Variants in USP28 observed in about 807,000 individuals in gnomAD.
USP28 encodes the protein ubiquitin carboxyl-terminal hydrolase 28.
USP28 carries 113 observed loss-of-function variants against 145.0 expected under a neutral mutation model. That is an observed-to-expected ratio of 0.78 (90% CI 0.67 to 0.91). The LOEUF (loss-of-function observed/expected upper bound fraction) is 0.91, where lower values mean the gene tolerates loss of function less well. USP28 is among the 40% of genes least tolerant of loss of function. USP28 has a pLI of 0.00. For synonymous variants in USP28, 447 were observed against 450.9 expected, an observed-to-expected ratio of 0.99 and a Z score of 0.11; for missense variants, 1,201 against 1,289.6, an observed-to-expected ratio of 0.93 and a Z score of 1.05.
At chr11:113,871,770 T>A (rs1393890710) in intron 1 of USP28, among the ~76,000 whole-genome samples, 1 of 152,148 alleles carries the variant, frequency 6.6e-6, no homozygotes, top group African/African-American at 2.4e-5. Context: ...AAGAAGATTA[T>A]CTATTTAGAA....
At chr11:113,858,314 C>T (rs965845171) in intron 1 of USP28, among the ~76,000 whole-genome samples, 3 of 152,206 alleles carry the variant, frequency 2.0e-5, no homozygotes, top group Non-Finnish European at 4.4e-5. Context: ...CCCCCTTAGC[C>T]TGTTCCACCT....
intron 24 of USP28, 46 bp downstream of exon 25, chr11:113,801,437 T>C: frequency 6.9e-7 from 1 of 1,450,838 alleles, no homozygotes; most frequent in Non-Finnish European, 9.3e-7. Context: ...CACTGAAATT[T>C]CTACAATTCT....
At chr11:113,798,880 A>C (rs937195084) in exon 25 of USP28, 1 of 156,918 alleles carries the variant, frequency 6.4e-6, no homozygotes, top group African/African-American at 2.4e-5. Flanking sequence ...GGTTCTCATG[A>C]ATCATTCTTC....
At chr11:113,874,625 T>C (rs1319046661) in intron 1 of USP28, 1 of 1,287,938 alleles carries the variant, frequency 7.8e-7, no homozygotes, top group Non-Finnish European at 1.0e-6. Flanking sequence ...AAAAGTGCAG[T>C]ACTTGAGGGG....
chr11:113,808,408 G>A (rs747352985), exon 18 of USP28: 24 of 1,613,912 alleles, frequency 1.5e-5, no homozygotes, highest in African/African-American at 6.7e-5. Flanking sequence ...GACAAGCAGC[G>A]AACCCCATGA....
Position 113,833,573 on chromosome 11 carries a change from T to C in USP28, c.622-16A>G, listed in dbSNP as rs376544540. ...TTCTCTTTTCCTGTAGAAAACACAG[T>C]ACATGTACTCTTACAATATCTCATT... On this transcript the variant is annotated splice_polypyrimidine_tract_variant and intron_variant, in intron 6 of 24. Transcript: ENST00000003302. 9 of 1,600,936 alleles carry C rather than the reference T, an allele frequency of 5.6e-6. No individual in the cohort carries two copies. The highest frequency in any genetic ancestry group is 7.7e-6 in the Non-Finnish European group (9 of 1,175,278).
At chr11:113,833,528 C>T in exon 7 of USP28, 1 of 1,614,046 alleles carries the variant, frequency 6.2e-7, no homozygotes, top group Non-Finnish European at 8.5e-7. Flanking sequence ...AATACTGAAG[C>T]TCTTGCATAA....
chr11:113,834,689 A>G (rs1441205915), intron 5 of USP28, among the ~76,000 whole-genome samples: 21 of 152,184 alleles, frequency 1.4e-4, no homozygotes, highest in Admixed American at 1.4e-3. Context: ...AAGTGTTGGG[A>G]TTACAAGCAT....
chr11:113,800,531 GC>G (rs1466124795), intron 24 of USP28, among the ~76,000 whole-genome samples: 1 of 148,972 alleles, frequency 6.7e-6, no homozygotes, highest in Admixed American at 6.7e-5. Flanking sequence ...GCTCAAGTGA[GC>G]CACCCACCTT....
intron 3 of USP28, among the ~76,000 whole-genome samples, chr11:113,843,318 C>T (rs1428258575): frequency 6.6e-6 from 1 of 152,022 alleles, no homozygotes; most frequent in East Asian, 1.9e-4. Flanking sequence ...CCAAAATAAT[C>T]CACAGCTACT....
intron 3 of USP28, among the ~76,000 whole-genome samples, chr11:113,847,951 A>C (rs985089668): frequency 1.6e-4 from 24 of 152,218 alleles, no homozygotes; most frequent in African/African-American, 5.5e-4. Context: ...TAGATTTGCT[A>C]TCTCAACTTC....
chr11:113,843,210 C>A (rs1055749729), intron 3 of USP28, among the ~76,000 whole-genome samples: 1 of 151,716 alleles, frequency 6.6e-6, no homozygotes, highest in African/African-American at 2.4e-5. Context: ...ACAGCCTGGG[C>A]GACAGAGTGA....
chr11:113,850,183 T>C (rs1946305885), intron 3 of USP28, among the ~76,000 whole-genome samples: 2 of 152,078 alleles, frequency 1.3e-5, no homozygotes, highest in Admixed American at 1.3e-4. Flanking sequence ...AAAAATTATT[T>C]TGGAAAAGAC....
intron 3 of USP28, among the ~76,000 whole-genome samples, chr11:113,846,159 G>T (rs1021280917): frequency 5.9e-5 from 9 of 152,206 alleles, no homozygotes; most frequent in African/African-American, 2.2e-4. Context: ...ATAAAGAGTA[G>T]AATGGAGGAC....
chr11:113,860,460 A>G (rs1947540133), intron 1 of USP28, among the ~76,000 whole-genome samples: 1 of 151,876 alleles, frequency 6.6e-6, no homozygotes. Flanking sequence ...AAAAAAAGAA[A>G]AAACAAAAAA....
intron 3 of USP28, among the ~76,000 whole-genome samples, chr11:113,845,752 T>C (rs1395406530): frequency 6.6e-6 from 1 of 152,200 alleles, no homozygotes; most frequent in Non-Finnish European, 1.5e-5. Context: ...TTTTTCTATC[T>C]TTTGTAGAGA....
At chr11:113,852,574 C>G (rs1946591489) in exon 3 of USP28, 1 of 1,614,038 alleles carries the variant, frequency 6.2e-7, no homozygotes, top group African/African-American at 1.3e-5. Context: ...CTTGACTGGG[C>G]TCCTTAACTC....
intron 1 of USP28, among the ~76,000 whole-genome samples, chr11:113,858,567 T>C (rs1417022699): frequency 6.6e-6 from 1 of 152,220 alleles, no homozygotes; most frequent in African/African-American, 2.4e-5. Flanking sequence ...TGGCTCCCTG[T>C]CTTCACTTGA....
At chr11:113,810,966 T>C (rs1000685356) in intron 16 of USP28, among the ~76,000 whole-genome samples, 1 of 152,170 alleles carries the variant, frequency 6.6e-6, no homozygotes, top group Non-Finnish European at 1.5e-5. Context: ...TGAACCACCA[T>C]GCCGGGGCGA....
Sources: gnomAD v4.1 joint callset for allele counts (sites outside exome capture counted in the v4.1 genomes callset) on GRCh38, gnomAD v4.1.1 for gene constraint, MANE v1.5 for transcripts, NCBI Gene and HGNC (gene_info 2026-07-23, HGNC 2026-07-21) for gene names.